NKAIN2: variants seen among roughly 807,000 people sequenced by gnomAD.
NKAIN2 encodes the protein sodium/potassium-transporting ATPase subunit beta-1-interacting protein 2.
A neutral mutation model predicts 32.6 loss-of-function variants in NKAIN2; 14 were observed. The observed-to-expected ratio is 0.43, with a 90% CI of 0.28 to 0.67. NKAIN2 has a LOEUF of 0.67. Among genes scored for constraint, NKAIN2 ranks in the 30% least tolerant of loss-of-function variants. The probability of loss-of-function intolerance (pLI) is 0.17; values close to 1 mark genes in which losing one functional copy is unlikely to be tolerated. For synonymous variants in NKAIN2, 80 were observed against 87.2 expected, an observed-to-expected ratio of 0.92 and a Z score of 0.46; for missense variants, 198 against 258.3, an observed-to-expected ratio of 0.77 and a Z score of 1.60.
chr6:124,348,044 C>T (rs1015749749), intron 2 of NKAIN2, among the ~76,000 whole-genome samples: 69 of 152,258 alleles, frequency 4.5e-4, no homozygotes, highest in Non-Finnish European at 7.2e-4. Flanking sequence ...TGTTAGTTTT[C>T]CTTCTAACAG....
At chr6:124,266,327 G>T (rs1199222143) in intron 1 of NKAIN2, among the ~76,000 whole-genome samples, 1 of 152,082 alleles carries the variant, frequency 6.6e-6, no homozygotes, top group Non-Finnish European at 1.5e-5. Flanking sequence ...GCCCAGACTG[G>T]AGTGCAGTGG....
intron 3 of NKAIN2, among the ~76,000 whole-genome samples, chr6:124,411,518 C>T (rs1356132783): frequency 6.6e-6 from 1 of 152,090 alleles, no homozygotes; most frequent in African/African-American, 2.4e-5. Context: ...CCCCCAGTCT[C>T]TTCTGGCTTG....
At chr6:124,335,917 T>G (rs1797842315) in intron 2 of NKAIN2, among the ~76,000 whole-genome samples, 1 of 152,204 alleles carries the variant, frequency 6.6e-6, no homozygotes, top group Non-Finnish European at 1.5e-5. Context: ...TTCATGCCAT[T>G]CCTCATAGAC....
chr6:124,430,250 A>G (rs142368530), intron 3 of NKAIN2, among the ~76,000 whole-genome samples: 1,609 of 152,364 alleles, frequency 0.011, 13 homozygotes, highest in Non-Finnish European at 0.017. Context: ...GTTATTTTGA[A>G]AAGTTTCTCT....
At chr6:124,733,873 A>C (rs898536669) in intron 4 of NKAIN2, among the ~76,000 whole-genome samples, 2 of 151,768 alleles carry the variant, frequency 1.3e-5, no homozygotes, top group Non-Finnish European at 2.9e-5. Context: ...ATTTTCTTGC[A>C]CTGTCAGTTG....
chr6:124,543,647 C>T (rs1233768900), intron 3 of NKAIN2, among the ~76,000 whole-genome samples: 1 of 151,916 alleles, frequency 6.6e-6, no homozygotes, highest in Non-Finnish European at 1.5e-5. Context: ...TTTACACACA[C>T]ACAAAAAAAG....
At chr6:124,074,201 T>C (rs72974591) in intron 1 of NKAIN2, among the ~76,000 whole-genome samples, 4,408 of 152,228 alleles carry the variant, frequency 0.029, 84 homozygotes, top group Non-Finnish European at 0.047. Flanking sequence ...GAAAGCTCAA[T>C]AGTGACTCAG....
intron 4 of NKAIN2, among the ~76,000 whole-genome samples, chr6:124,769,396 G>A (rs1226588959): frequency 6.6e-6 from 1 of 152,090 alleles, no homozygotes; most frequent in Non-Finnish European, 1.5e-5. Context: ...CATACTGTAT[G>A]TGTTTTTGTT....
rs570327994 is a variant in NKAIN2 at position 124,347,970 on chromosome 6, C to G, written c.193-7297C>G. On this transcript the variant is annotated intron_variant, in intron 2 of 6. Transcript: ENST00000368417. Reference sequence around the variant, plus strand: ...TTTTTCACCATCTTTGTGGTTTTATCTACTTTTGGTCTTTGATGATGGTGA... The same window carrying G: ...TTTTTCACCATCTTTGTGGTTTTATGTACTTTTGGTCTTTGATGATGGTGA... 3.5e-3 allele frequency among the ~76,000 whole-genome samples: 526 copies of G among 152,222 alleles called. 3 individuals are homozygous for G. Among genetic ancestry groups the G allele is most frequent in the African/African-American group, 0.012 (515 of 41,530 alleles).
chr6:124,349,787 T>A (rs1198376269), intron 2 of NKAIN2, among the ~76,000 whole-genome samples: 1 of 152,192 alleles, frequency 6.6e-6, no homozygotes, highest in Non-Finnish European at 1.5e-5. Context: ...CTAATTTTTA[T>A]CTTATATAGC....
rs1184123803 is a variant in NKAIN2 at position 124,554,701 on chromosome 6, A to G, written c.274-103485A>G. Among the ~76,000 whole-genome samples the G allele has an allele frequency of 2.0e-5, 3 of 152,338 alleles. No individual in the cohort carries two copies. The East Asian group carries it at 5.8e-4, about 29-fold the overall frequency. ...AATAAATGGTGTCTTGTTTTGGTTA[A>G]AAAGCTTTGGATTTGGTACAACTTT... On this transcript the variant is annotated intron_variant, in intron 3 of 6. Coordinates refer to ENST00000368417, the MANE Select transcript of NKAIN2 (RefSeq NM_001040214.3).
At chr6:124,077,112 T>G (rs73563104) in intron 1 of NKAIN2, among the ~76,000 whole-genome samples, 2,046 of 152,306 alleles carry the variant, frequency 0.013, 44 homozygotes, top group African/African-American at 0.047. Context: ...ATCTTGAACT[T>G]TTTCTTGATA....
intron 1 of NKAIN2, among the ~76,000 whole-genome samples, chr6:124,179,900 T>A (rs1471206511): frequency 6.6e-6 from 1 of 152,236 alleles, no homozygotes; most frequent in Non-Finnish European, 1.5e-5. Flanking sequence ...ATTTTGGCAG[T>A]AACTGAAGCT....
intron 1 of NKAIN2, among the ~76,000 whole-genome samples, chr6:123,908,918 A>G (rs1562251672): frequency 6.6e-6 from 1 of 152,096 alleles, no homozygotes; most frequent in Admixed American, 6.5e-5. Context: ...TTTTAATTGC[A>G]TATGTTAGCA....
intron 3 of NKAIN2, among the ~76,000 whole-genome samples, chr6:124,626,872 GGA>G (rs1432707607): frequency 6.6e-6 from 1 of 152,106 alleles, no homozygotes; most frequent in South Asian, 2.1e-4. Context: ...CCCTTCCAGA[GGA>G]GAATGAAGCC....
At position 124,266,692 on chromosome 6, in the gene NKAIN2, T is replaced by C. The variant is rs201819642; in HGVS notation, c.55-16313T>C. On this transcript the variant is annotated intron_variant, in intron 1 of 6. Coordinates refer to ENST00000368417, the MANE Select transcript of NKAIN2 (RefSeq NM_001040214.3). ...CACCTTCAAGGTATTAAGACATTCA[T>C]ACAGACCTACATTACTGTAATGTTG... Among the ~76,000 whole-genome samples, 170 of 152,314 alleles carry C rather than the reference T, an allele frequency of 1.1e-3. 1 individual carries two copies. Among genetic ancestry groups the C allele is most frequent in the African/African-American group, 4.0e-3 (167 of 41,572 alleles).
intron 6 of NKAIN2, among the ~76,000 whole-genome samples, chr6:124,820,274 C>G (rs1781339154): frequency 6.6e-6 from 1 of 152,132 alleles, no homozygotes; most frequent in Non-Finnish European, 1.5e-5. Context: ...TTAAGACGAC[C>G]TACTGAAGGC....
intron 4 of NKAIN2, among the ~76,000 whole-genome samples, chr6:124,731,619 T>G: frequency 6.8e-6 from 1 of 147,010 alleles, no homozygotes; most frequent in Admixed American, 6.8e-5. Context: ...AGATGACGAG[T>G]TAGTGGGTGC....
At chr6:124,146,837 A>G (rs1034667681) in intron 1 of NKAIN2, among the ~76,000 whole-genome samples, 4 of 152,194 alleles carry the variant, frequency 2.6e-5, no homozygotes, top group Admixed American at 6.5e-5. Context: ...TGTAAGTGAA[A>G]GAAAACTATT....
Sources: gnomAD v4.1 joint callset for allele counts (sites outside exome capture counted in the v4.1 genomes callset) on GRCh38, gnomAD v4.1.1 for gene constraint, MANE v1.5 for transcripts, NCBI Gene and HGNC (gene_info 2026-07-23, HGNC 2026-07-21) for gene names.